Variants in EXOC4 observed in about 807,000 individuals in gnomAD.
EXOC4 encodes the protein exocyst complex component 4.
A neutral mutation model predicts 107.2 loss-of-function variants in EXOC4; 71 were observed. The ratio of observed to expected loss-of-function variants is 0.66; its 90% confidence interval spans 0.55 to 0.81. EXOC4 has a LOEUF of 0.81. EXOC4 is among the 30% of genes least tolerant of loss of function. The pLI, the probability that EXOC4 is intolerant of heterozygous loss-of-function variation, is 0.00. For synonymous variants in EXOC4, 456 were observed against 441.2 expected, an observed-to-expected ratio of 1.03 and a Z score of -0.42; for missense variants, 1,108 against 1,189.6, an observed-to-expected ratio of 0.93 and a Z score of 1.01.
At chr7:133,399,495 G>A (rs978252747) in intron 7 of EXOC4, among the ~76,000 whole-genome samples, 5 of 152,188 alleles carry the variant, frequency 3.3e-5, no homozygotes, top group African/African-American at 1.2e-4. Context: ...CATCAGCATA[G>A]CTGGAATTAT....
intron 17 of EXOC4, among the ~76,000 whole-genome samples, chr7:134,039,771 T>G (rs1244722706): frequency 2.0e-5 from 3 of 152,212 alleles, no homozygotes; most frequent in Admixed American, 2.0e-4. Context: ...ATTTCTAACT[T>G]TGATAGCATT....
chr7:133,372,666 C>T (rs974736013), intron 6 of EXOC4, among the ~76,000 whole-genome samples: 9 of 152,132 alleles, frequency 5.9e-5, no homozygotes, highest in Non-Finnish European at 1.3e-4. Flanking sequence ...TAACAGCACC[C>T]CTAACAAGAG....
In EXOC4 at chr7:133,917,636, A is replaced by G; in HGVS notation, c.1925A>G (p.Asp642Gly). The G allele has an allele frequency of 2.5e-6, 4 of 1,614,144 alleles. No individual in the cohort carries two copies. The highest frequency in any genetic ancestry group is 3.4e-6 in the Non-Finnish European group (4 of 1,180,002). ...GTCATCAGTGCATCCTGGGCAAAAGATGATGATATCAGCAGACTCTTGAAA... is the reference window on the plus strand; with the variant it reads ...GTCATCAGTGCATCCTGGGCAAAAGGTGATGATATCAGCAGACTCTTGAAA... ...KLVISASWAK[D>G]DDISRLLKSL... Residue 642 changes from aspartate (D) to glycine (G), a missense_variant, in exon 13 of 18, where the codon GAT (aspartate) becomes GGT (glycine). Physicochemically the swap from Asp to Gly is moderately conservative, Grantham distance 94 (BLOSUM62 -1). Transcript: ENST00000253861.
At chr7:134,031,831 A>C (rs971472763) in intron 17 of EXOC4, among the ~76,000 whole-genome samples, 6 of 152,218 alleles carry the variant, frequency 3.9e-5, no homozygotes, top group Non-Finnish European at 8.8e-5. Flanking sequence ...TGTTTGCAAC[A>C]AAGTTTTTTT....
chr7:133,636,901 A>G (rs1196547539), intron 10 of EXOC4, among the ~76,000 whole-genome samples: 6 of 152,198 alleles, frequency 3.9e-5, no homozygotes, highest in African/African-American at 1.4e-4. Flanking sequence ...TAACATTCTT[A>G]AGACTAGTAA....
chr7:133,881,412 A>G (rs975141032), intron 11 of EXOC4, among the ~76,000 whole-genome samples: 3 of 152,018 alleles, frequency 2.0e-5, no homozygotes, highest in East Asian at 1.9e-4. Flanking sequence ...ACAAATTGCA[A>G]TTATTTATCT....
chr7:134,097,174 A>G, the EXOC4 span, among the ~76,000 whole-genome samples: 5 of 152,122 alleles, frequency 3.3e-5, no homozygotes, highest in African/African-American at 1.2e-4. Flanking sequence ...CCAACTCCCA[A>G]TGATTGGAGA....
intron 12 of EXOC4, among the ~76,000 whole-genome samples, chr7:133,912,966 G>C (rs1459745936): frequency 6.6e-6 from 1 of 152,114 alleles, no homozygotes; most frequent in African/African-American, 2.4e-5. Flanking sequence ...TTTAGTCAAG[G>C]TTGAAAACCT....
chr7:133,449,886 T>C (rs1450704086), intron 7 of EXOC4, among the ~76,000 whole-genome samples: 7 of 152,172 alleles, frequency 4.6e-5, no homozygotes, highest in African/African-American at 1.7e-4. Context: ...GGAGTATTTC[T>C]CAATTTGTTT....
rs574951504 is a variant in EXOC4 at position 133,395,716 on chromosome 7, A to G, written c.1182+20714A>G. On this transcript the variant is annotated intron_variant, in intron 7 of 17. Transcript: ENST00000253861. ...CACTGTATTTAGAAAGAAAAAGACC[A>G]TCTGTTCATTCTGTCTGTATTTCTG... Among the ~76,000 whole-genome samples, 6 of 152,286 alleles carry G rather than the reference A, an allele frequency of 3.9e-5. No individual in the cohort carries two copies. In the East Asian group the frequency reaches 9.6e-4, roughly 24 times the overall value.
At chr7:133,548,956 G>T (rs889491792) in intron 9 of EXOC4, among the ~76,000 whole-genome samples, 1 of 152,120 alleles carries the variant, frequency 6.6e-6, no homozygotes, top group Non-Finnish European at 1.5e-5. Flanking sequence ...GGCTTTCTAC[G>T]TGCCTTCCTC....
intron 7 of EXOC4, among the ~76,000 whole-genome samples, chr7:133,427,123 TA>T (rs1379281710): frequency 6.6e-6 from 1 of 152,150 alleles, no homozygotes; most frequent in Non-Finnish European, 1.5e-5. Context: ...TTTTTCAAGA[TA>T]ATCATTTTTT....
chr7:133,959,738 A>G (rs928943094), intron 14 of EXOC4, among the ~76,000 whole-genome samples: 1 of 152,124 alleles, frequency 6.6e-6, no homozygotes, highest in African/African-American at 2.4e-5. Flanking sequence ...TAGAAAGTAC[A>G]TCTAGAAAAG....
At chr7:133,341,154 G>A (rs1361066530) in intron 5 of EXOC4, among the ~76,000 whole-genome samples, 2 of 152,076 alleles carry the variant, frequency 1.3e-5, no homozygotes, top group Admixed American at 1.3e-4. Context: ...CAGACTTTTT[G>A]ATGTAGGTGT....
intron 9 of EXOC4, among the ~76,000 whole-genome samples, chr7:133,591,500 A>C (rs1022738150): frequency 5.3e-5 from 8 of 151,954 alleles, no homozygotes; most frequent in African/African-American, 1.9e-4. Context: ...TTTGAAACCC[A>C]TGCATAGTTT....
intron 10 of EXOC4, among the ~76,000 whole-genome samples, chr7:133,631,930 C>T (rs1802601298): frequency 6.6e-6 from 1 of 152,084 alleles, no homozygotes; most frequent in Non-Finnish European, 1.5e-5. Context: ...AGTTGGAACT[C>T]TTGTGCTTAC....
At chr7:133,258,980 T>A (rs1021580087) in intron 1 of EXOC4, among the ~76,000 whole-genome samples, 24 of 152,152 alleles carry the variant, frequency 1.6e-4, no homozygotes, top group Non-Finnish European at 3.2e-4. Context: ...AGATAATCCT[T>A]GTTGTCCTTT....
chr7:133,844,870 C>A (rs1418856735), intron 11 of EXOC4, among the ~76,000 whole-genome samples: 2 of 152,058 alleles, frequency 1.3e-5, no homozygotes, highest in Non-Finnish European at 2.9e-5. Flanking sequence ...TCATTTCAGG[C>A]ACTCTCTGAA....
chr7:133,901,094 T>G (rs1406301930), intron 12 of EXOC4, among the ~76,000 whole-genome samples: 1 of 152,116 alleles, frequency 6.6e-6, no homozygotes, highest in South Asian at 2.1e-4. Flanking sequence ...GGTCTCAAAC[T>G]CCTGACCTCA....
Sources: allele counts gnomAD v4.1 joint callset (sites outside exome capture counted in the v4.1 genomes callset), GRCh38; gene constraint gnomAD v4.1.1; transcripts MANE v1.5; gene names NCBI Gene and HGNC (gene_info 2026-07-23, HGNC 2026-07-21).